Variants in ROCK1 observed in about 807,000 individuals in gnomAD.
ROCK1 encodes Rho associated coiled-coil containing protein kinase 1.
ROCK1 carries 36 observed loss-of-function variants against 196.8 expected under a neutral mutation model. The observed-to-expected ratio is 0.18, with a 90% confidence interval of 0.14 to 0.24. The LOEUF (loss-of-function observed/expected upper bound fraction) is 0.24, where lower values mean the gene tolerates loss of function less well. ROCK1 is among the 10% of genes least tolerant of loss of function. The probability of loss-of-function intolerance (pLI) is 1.00; values close to 1 mark genes in which losing one functional copy is unlikely to be tolerated. For synonymous variants in ROCK1, 443 were observed against 515.9 expected (o/e 0.86, Z 1.91); for missense variants, 920 against 1,562.0 (o/e 0.59, Z 6.93).
chr18:20,971,709 T>C (rs1461339511), intron 22 of ROCK1, among the ~76,000 whole-genome samples: 1 of 133,722 alleles, frequency 7.5e-6, no homozygotes, highest in Non-Finnish European at 1.5e-5. Context: ...AATAAATAAA[T>C]AAATAAATAA....
chr18:20,989,685 T>C (rs1011083941), intron 18 of ROCK1, among the ~76,000 whole-genome samples: 32 of 151,996 alleles, frequency 2.1e-4, no homozygotes, highest in Non-Finnish European at 7.4e-5. Flanking sequence ...AAGGTTGATA[T>C]AGAAAAGAAA....
intron 22 of ROCK1, among the ~76,000 whole-genome samples, chr18:20,971,345 T>TATACAC (rs1555744436): frequency 4.7e-5 from 7 of 147,544 alleles, no homozygotes; most frequent in South Asian, 2.1e-4. Flanking sequence ...CACACACACA[T>TATACAC]ACACACAGAA....
In ROCK1 at chr18:21,003,631, G is replaced by A. The variant is rs184190757; in HGVS notation, c.1885+2720C>T. Reference sequence around the variant, plus strand: ...ATTCAGTGTCAGAGGATTGGGAAGGGGAGGTGGAGGTACAAAATGAAACAC... The same window carrying A: ...ATTCAGTGTCAGAGGATTGGGAAGGAGAGGTGGAGGTACAAAATGAAACAC... On this transcript the variant is annotated intron_variant, in intron 16 of 32. Coordinates refer to ENST00000399799, the MANE Select transcript of ROCK1 (RefSeq NM_005406.3). Among the ~76,000 whole-genome samples, 13 of 152,258 alleles carry A rather than the reference G, an allele frequency of 8.5e-5. No individual in the cohort carries two copies. In the East Asian group the frequency reaches 2.5e-3, roughly 29 times the overall value.
intron 16 of ROCK1, among the ~76,000 whole-genome samples, chr18:20,997,885 G>A: frequency 6.6e-6 from 1 of 151,120 alleles, no homozygotes; most frequent in East Asian, 1.9e-4. Flanking sequence ...CCCCAGGCTG[G>A]AGTACAAATG....
intron 12 of ROCK1, among the ~76,000 whole-genome samples, chr18:21,016,272 G>GA (rs1192200428): frequency 6.6e-6 from 1 of 152,174 alleles, no homozygotes; most frequent in East Asian, 1.9e-4. Flanking sequence ...ATAAGTTAGA[G>GA]AAAACGTTCA....
intron 14 of ROCK1, among the ~76,000 whole-genome samples, chr18:21,007,051 A>C (rs920298178): frequency 6.6e-5 from 10 of 152,116 alleles, no homozygotes; most frequent in Non-Finnish European, 1.0e-4. Context: ...TTATAAGATC[A>C]CTGATAGTAT....
At position 20,947,391 on chromosome 18, in the gene ROCK1, T is replaced by C. The variant is rs545153252; in HGVS notation, c.*3993A>G. ...TTTAATTTATTGCAATAAGCATAGA[T>C]CTTGTCCAGAAAAAAAACACTAAAA... On this transcript the variant is annotated 3_prime_UTR_variant, in exon 33 of 33. Coordinates refer to ENST00000399799, the MANE Select transcript of ROCK1 (RefSeq NM_005406.3). 5 of 152,144 alleles carry C rather than the reference T, an allele frequency of 3.3e-5. 1 individual carries two copies. The South Asian group carries it at 1.0e-3, about 32-fold the overall frequency. The allele number at this position is 152,144 out of a possible 1,614,324, so 9.4% of individuals were successfully genotyped here.
At chr18:21,080,198 C>G (rs981777235) in intron 1 of ROCK1, among the ~76,000 whole-genome samples, 1 of 152,032 alleles carries the variant, frequency 6.6e-6, no homozygotes, top group Non-Finnish European at 1.5e-5. Flanking sequence ...AAAATCACCA[C>G]ATTATAACAG....
At chr18:21,085,097 CAG>C (rs2036515110) in intron 1 of ROCK1, among the ~76,000 whole-genome samples, 1 of 151,948 alleles carries the variant, frequency 6.6e-6, no homozygotes, top group South Asian at 2.1e-4. Flanking sequence ...GCTGGAGGGA[CAG>C]GGAATAAAAG....
intron 13 of ROCK1, 34 bp downstream of exon 13, chr18:21,015,397 C>CA: frequency 7.1e-7 from 1 of 1,415,956 alleles, no homozygotes; most frequent in Admixed American, 1.8e-5. Flanking sequence ...GGAAAAATCT[C>CA]AAAAAGGAAA....
chr18:21,098,550 C>T (rs1055855621), intron 1 of ROCK1, among the ~76,000 whole-genome samples: 5 of 147,056 alleles, frequency 3.4e-5, no homozygotes, highest in African/African-American at 1.0e-4. Context: ...TTTGAAGCAA[C>T]AAAAGATTGA....
At chr18:21,028,672 G>C (rs1387474936) in intron 10 of ROCK1, 104 bp downstream of exon 10, 3 of 944,410 alleles carry the variant, frequency 3.2e-6, no homozygotes, top group Non-Finnish European at 4.6e-6. Flanking sequence ...TGCATAATAA[G>C]GTGTATCTTT....
intron 16 of ROCK1, among the ~76,000 whole-genome samples, chr18:20,994,644 G>C (rs1466270589): frequency 6.6e-6 from 1 of 152,178 alleles, no homozygotes; most frequent in Non-Finnish European, 1.5e-5. Context: ...TTTTCATGTA[G>C]AAGCAGCTTA....
chr18:20,975,142 AATTATAT>A (rs2035467761), intron 22 of ROCK1, among the ~76,000 whole-genome samples: 1 of 152,216 alleles, frequency 6.6e-6, no homozygotes, highest in Non-Finnish European at 1.5e-5. Flanking sequence ...CAGGTAAGAA[AATTATAT>A]ATTAGGAGGG....
Position 20,947,178 on chromosome 18 carries a change from G to C in ROCK1, c.*4206C>G, listed in dbSNP as rs2035136750. The C allele has an allele frequency of 6.6e-6, 1 of 152,036 alleles. No individual in the cohort carries two copies. The highest frequency in any genetic ancestry group is 6.6e-5 in the Admixed American group (1 of 15,244). The allele number at this position is 152,036 out of a possible 1,614,324, so 9.4% of individuals were successfully genotyped here. ...AGATATTTAATCTCTTTGTATGTTA[G>C]ACTTTCAATATGTGAAGTGGAATTA... On this transcript the variant is annotated 3_prime_UTR_variant, in exon 33 of 33. Transcript: ENST00000399799.
chr18:21,069,352 GTTATA>G (rs1021324996), intron 2 of ROCK1, among the ~76,000 whole-genome samples: 6 of 151,842 alleles, frequency 4.0e-5, no homozygotes, highest in African/African-American at 1.5e-4. Flanking sequence ...CTAAAATTTT[GTTATA>G]TTATTCTCTG....
Position 20,951,268 on chromosome 18 carries a change from C to T in ROCK1, c.*116G>A. ...AAGGACAGAAAAACAGCAATCTTAA[C>T]CCTGAAGCCTGTGATATTTGTGTCA... On this transcript the variant is annotated 3_prime_UTR_variant, in exon 33 of 33. Coordinates refer to ENST00000399799, the MANE Select transcript of ROCK1 (RefSeq NM_005406.3). 1 of 936,822 alleles carries T rather than the reference C, an allele frequency of 1.1e-6. No homozygotes were observed. The highest frequency in any genetic ancestry group is 1.6e-6 in the Non-Finnish European group (1 of 622,438). The allele number at this position is 936,822 out of a possible 1,614,324, so 58.0% of individuals were successfully genotyped here.
intron 1 of ROCK1, among the ~76,000 whole-genome samples, chr18:21,102,246 G>A (rs1237986910): frequency 6.6e-6 from 1 of 152,122 alleles, no homozygotes; most frequent in Non-Finnish European, 1.5e-5. Flanking sequence ...AGTGCCTCAA[G>A]TGAATCTGAT....
intron 16 of ROCK1, among the ~76,000 whole-genome samples, chr18:21,001,942 G>A (rs2035728762): frequency 6.6e-6 from 1 of 152,062 alleles, no homozygotes; most frequent in African/African-American, 2.4e-5. Flanking sequence ...CCAAAAAGAT[G>A]TTTCATACAA....
Sources: gnomAD v4.1 joint callset for allele counts (sites outside exome capture counted in the v4.1 genomes callset) on GRCh38, gnomAD v4.1.1 for gene constraint, MANE v1.5 for transcripts, NCBI Gene and HGNC (gene_info 2026-07-23, HGNC 2026-07-21) for gene names.